ARMC2: variants seen among roughly 807,000 people sequenced by gnomAD.
The protein encoded by ARMC2 is armadillo repeat-containing protein 2.
ARMC2 carries 67 observed loss-of-function variants against 90.3 expected under a neutral mutation model. The observed-to-expected ratio is 0.74, with a 90% CI of 0.61 to 0.91. The LOEUF (loss-of-function observed/expected upper bound fraction) is 0.91. Ranked by LOEUF, ARMC2 falls within the 40% of genes least tolerant of loss-of-function variation. The pLI, the probability that ARMC2 is intolerant of heterozygous loss-of-function variation, is 0.00. For missense variants in ARMC2, 920 were observed against 1,030.9 expected, an observed-to-expected ratio of 0.89 and a Z score of 1.47; for synonymous variants, 393 against 393.0, an observed-to-expected ratio of 1.00 and a Z score of 0.00.
chr6:108,950,433 C>T (rs1302793438), intron 12 of ARMC2, among the ~76,000 whole-genome samples: 1 of 152,100 alleles, frequency 6.6e-6, no homozygotes, highest in Non-Finnish European at 1.5e-5. Flanking sequence ...TCATGGAATA[C>T]CATGCGGCCA....
At chr6:109,029,268 A>G in the ARMC2 span, among the ~76,000 whole-genome samples, 2 of 152,214 alleles carry the variant, frequency 1.3e-5, no homozygotes, top group African/African-American at 2.4e-5. Flanking sequence ...ATGACTAAGG[A>G]TACTATTAGG....
chr6:108,944,950 A>C (rs1178809472), intron 12 of ARMC2, among the ~76,000 whole-genome samples: 1 of 152,156 alleles, frequency 6.6e-6, no homozygotes, highest in Non-Finnish European at 1.5e-5. Flanking sequence ...TCCATGATGC[A>C]ACTAGTAACT....
intron 17 of ARMC2, among the ~76,000 whole-genome samples, chr6:108,966,219 A>G (rs748265817): frequency 6.6e-6 from 1 of 151,168 alleles, no homozygotes; most frequent in Non-Finnish European, 1.5e-5. Flanking sequence ...AAAGCTTAAC[A>G]GACACCTTTC....
At chr6:109,000,759 TTA>T in the ARMC2 span, 2 of 1,095,398 alleles carry the variant, frequency 1.8e-6, no homozygotes, top group African/African-American at 1.6e-5. Context: ...AAAGAGCTAA[TTA>T]AGTTTATTAG....
At chr6:108,895,300 CA>C (rs1197391398) in intron 6 of ARMC2, among the ~76,000 whole-genome samples, 6 of 146,476 alleles carry the variant, frequency 4.1e-5, no homozygotes, top group East Asian at 2.0e-4. Context: ...CCATCTCTAC[CA>C]AAAAAAAATA....
chr6:108,914,609 C>T (rs1423468945), intron 10 of ARMC2, among the ~76,000 whole-genome samples: 1 of 152,164 alleles, frequency 6.6e-6, no homozygotes, highest in Non-Finnish European at 1.5e-5. Context: ...CTGTGGTCAC[C>T]AAATGCCATT....
At chr6:108,997,528 C>T in the ARMC2 span, among the ~76,000 whole-genome samples, 1 of 152,300 alleles carries the variant, frequency 6.6e-6, no homozygotes, top group East Asian at 1.9e-4. Context: ...GTAAATGCTA[C>T]CTCTTATTTA....
chr6:108,998,706 T>C, the ARMC2 span: 1 of 1,613,780 alleles, frequency 6.2e-7, no homozygotes, highest in South Asian at 1.1e-5. Context: ...AACTACTGCA[T>C]GTACCAATTC....
At chr6:108,988,921 T>C in the ARMC2 span, among the ~76,000 whole-genome samples, 1 of 152,216 alleles carries the variant, frequency 6.6e-6, no homozygotes, top group Non-Finnish European at 1.5e-5. Flanking sequence ...AAGTAAATCA[T>C]TCCTGAAAGC....
chr6:108,927,490 T>C (rs1167526545), intron 10 of ARMC2, among the ~76,000 whole-genome samples: 1 of 152,082 alleles, frequency 6.6e-6, no homozygotes, highest in East Asian at 1.9e-4. Flanking sequence ...AGTTTTATGA[T>C]TTACTAAACT....
At chr6:109,002,174 A>G in the ARMC2 span, 2 of 981,408 alleles carry the variant, frequency 2.0e-6, no homozygotes, top group Non-Finnish European at 3.2e-6. Context: ...AACTCTGACT[A>G]AAACATGTTG....
chr6:108,886,753 T>C (rs1019928928), intron 5 of ARMC2, among the ~76,000 whole-genome samples: 1 of 152,088 alleles, frequency 6.6e-6, no homozygotes, highest in African/African-American at 2.4e-5. Context: ...ATTTTCCCAC[T>C]TGGCCCACAA....
intron 12 of ARMC2, among the ~76,000 whole-genome samples, chr6:108,941,252 C>T (rs756897807): frequency 3.3e-5 from 5 of 152,174 alleles, no homozygotes; most frequent in Non-Finnish European, 7.3e-5. Context: ...CTCTTGTCTG[C>T]TCCCCTGTGA....
intron 12 of ARMC2, among the ~76,000 whole-genome samples, chr6:108,944,429 A>G (rs796495861): frequency 1.3e-5 from 2 of 152,196 alleles, no homozygotes; most frequent in East Asian, 1.9e-4. Flanking sequence ...AAAGGTGCTC[A>G]TCACACTGAT....
chr6:108,993,474 A>C, the ARMC2 span, among the ~76,000 whole-genome samples: 2 of 152,196 alleles, frequency 1.3e-5, no homozygotes, highest in African/African-American at 2.4e-5. Flanking sequence ...CATGGAAACA[A>C]AAATTTTTCC....
intron 5 of ARMC2, among the ~76,000 whole-genome samples, chr6:108,887,903 C>T (rs933178693): frequency 2.0e-5 from 3 of 152,124 alleles, no homozygotes; most frequent in African/African-American, 4.8e-5. Flanking sequence ...TTGCCAAATG[C>T]GGCACTGTGG....
Position 108,959,188 on chromosome 6 carries a change from A to G in ARMC2, c.1916-2384A>G, listed in dbSNP as rs559948070. On this transcript the variant is annotated intron_variant, in intron 13 of 17. Coordinates refer to ENST00000392644, the MANE Select transcript of ARMC2 (RefSeq NM_032131.6). The stretch of plus-strand genomic sequence containing the variant: ...GCTTGCTGCTCTAGCGGGAGGGGCC[A>G]CTGGCGGAAGGAACAGTGTATGTCT... Among the ~76,000 whole-genome samples, 7 of 152,316 alleles carry G rather than the reference A, an allele frequency of 4.6e-5. No individual in the cohort carries two copies. The East Asian group carries it at 1.2e-3, about 25-fold the overall frequency.
At chr6:108,932,887 A>G (rs1382224076) in intron 11 of ARMC2, among the ~76,000 whole-genome samples, 2 of 151,874 alleles carry the variant, frequency 1.3e-5, no homozygotes, top group African/African-American at 4.8e-5. Flanking sequence ...ATGCAGCCTT[A>G]TTTCTGGGCT....
rs760406530 is a variant in ARMC2 at position 108,965,125 on chromosome 6, C to G, written c.2431C>G (p.Leu811Val). 50 of 1,606,058 alleles carry G rather than the reference C, an allele frequency of 3.1e-5. No homozygotes were observed. Among genetic ancestry groups the G allele is most frequent in the Non-Finnish European group, 4.1e-5 (48 of 1,173,202 alleles). The change falls in exon 17 of 18, where the codon CTC (leucine) becomes GTC (valine). Residue 811 changes from leucine (L) to valine (V), a missense_variant. Transcript: ENST00000392644. ...AGACACCAACACACTCTTACTCTTG[C>G]TCTCATCATTTTTAGGTAAGACTCT... ...NEDTNTLLLLLSSFLDEELAL... is the reference protein window; with the variant it reads ...NEDTNTLLLLVSSFLDEELAL...
Sources: gnomAD v4.1 joint callset for allele counts (sites outside exome capture counted in the v4.1 genomes callset) on GRCh38, gnomAD v4.1.1 for gene constraint, MANE v1.5 for transcripts, NCBI Gene and HGNC (gene_info 2026-07-23, HGNC 2026-07-21) for gene names.